The following VOPP1 variants were observed in gnomAD, a reference collection of about 807,000 sequenced individuals.
VOPP1 encodes VOPP1 WW domain binding protein.
A neutral mutation model predicts 23.5 loss-of-function variants in VOPP1; 8 were observed. The ratio of observed to expected loss-of-function variants is 0.34; its 90% confidence interval spans 0.20 to 0.61. The LOEUF (loss-of-function observed/expected upper bound fraction) is 0.61. VOPP1 is among the 20% of genes least tolerant of loss of function. The pLI, the probability that VOPP1 is intolerant of heterozygous loss-of-function variation, is 0.78. For synonymous variants in VOPP1, 83 were observed against 97.3 expected (o/e 0.85, Z 0.86); for missense variants, 174 against 238.1 (o/e 0.73, Z 1.77).
chr7:55,458,872 T>A (rs536708334), intron 4 of VOPP1, among the ~76,000 whole-genome samples: 1 of 152,310 alleles, frequency 6.6e-6, no homozygotes, highest in South Asian at 2.1e-4. Flanking sequence ...TTTTATTTAT[T>A]TCTCTTGCCT....
downstream of VOPP1, among the ~76,000 whole-genome samples, chr7:55,467,171 T>C (rs10229613): frequency 0.33 from 50,335 of 152,124 alleles, 8,909 homozygotes; most frequent in Non-Finnish European, 0.41. Context: ...ACCTGCTGTA[T>C]GACCCAGCTC....
intron 2 of VOPP1, among the ~76,000 whole-genome samples, chr7:55,512,988 G>A (rs1030942359): frequency 6.6e-6 from 1 of 152,256 alleles, no homozygotes; most frequent in Non-Finnish European, 1.5e-5. Context: ...CCTGTGAACA[G>A]CACTTCATCC....
At chr7:55,528,896 GAC>G (rs1204107843) in intron 1 of VOPP1, among the ~76,000 whole-genome samples, 2 of 152,098 alleles carry the variant, frequency 1.3e-5, no homozygotes, top group Non-Finnish European at 1.5e-5. Flanking sequence ...GTTAATTTAA[GAC>G]ACATTATATA....
chr7:55,564,106 ATAGGAACCTG>A (rs1305341557), intron 1 of VOPP1, among the ~76,000 whole-genome samples: 1 of 152,180 alleles, frequency 6.6e-6, no homozygotes, highest in East Asian at 1.9e-4. Flanking sequence ...CCCTTAGGCT[ATAGGAACCTG>A]GCTTCACAGC....
downstream of VOPP1, among the ~76,000 whole-genome samples, chr7:55,469,131 G>A (rs1395154899): frequency 1.3e-5 from 2 of 152,140 alleles, no homozygotes; most frequent in Non-Finnish European, 2.9e-5. Flanking sequence ...AGGACAAAAT[G>A]CCTAGAAGTG....
intron 4 of VOPP1, among the ~76,000 whole-genome samples, chr7:55,450,442 C>T (rs1287126572): frequency 6.6e-6 from 1 of 152,130 alleles, no homozygotes; most frequent in Admixed American, 6.5e-5. Context: ...TCTTATAGCC[C>T]TTGAAATGTG....
intron 4 of VOPP1, among the ~76,000 whole-genome samples, chr7:55,443,709 A>G (rs1190597906): frequency 6.7e-6 from 1 of 149,986 alleles, no homozygotes; most frequent in Non-Finnish European, 1.5e-5. Context: ...CAATGACACA[A>G]TCTCGGCTCA....
At chr7:55,571,961 G>A (rs1798376087) in intron 1 of VOPP1, 2 of 285,622 alleles carry the variant, frequency 7.0e-6, no homozygotes, top group Non-Finnish European at 1.3e-5. Flanking sequence ...GGGGAGAGGG[G>A]GCGGACGGTG....
At chr7:55,518,859 A>G (rs1192210218) in intron 2 of VOPP1, among the ~76,000 whole-genome samples, 1 of 152,210 alleles carries the variant, frequency 6.6e-6, no homozygotes, top group African/African-American at 2.4e-5. Context: ...ATTTACAAAG[A>G]CGTGAGAACT....
chr7:55,516,069 G>A (rs1020193014), intron 2 of VOPP1: 19 of 971,334 alleles, frequency 2.0e-5, no homozygotes, highest in Non-Finnish European at 2.4e-6. Flanking sequence ...CCAAGGGGCG[G>A]GAGCTGCTGA....
intron 4 of VOPP1, among the ~76,000 whole-genome samples, chr7:55,476,822 T>A (rs1388424807): frequency 6.6e-6 from 1 of 151,924 alleles, no homozygotes; most frequent in Non-Finnish European, 1.5e-5. Flanking sequence ...GGCCCTACAT[T>A]CCTCCCCACC....
intron 1 of VOPP1, among the ~76,000 whole-genome samples, chr7:55,524,924 G>C (rs1584027307): frequency 6.6e-6 from 1 of 152,280 alleles, no homozygotes; most frequent in Non-Finnish European, 1.5e-5. Context: ...CTAGAGCTGT[G>C]GTCAAAGGGG....
intron 4 of VOPP1, among the ~76,000 whole-genome samples, chr7:55,484,432 A>C (rs1792976237): frequency 6.6e-6 from 1 of 151,788 alleles, no homozygotes; most frequent in Non-Finnish European, 1.5e-5. Flanking sequence ...TCTCCAACCT[A>C]CAGTCGCTGG....
intron 4 of VOPP1, among the ~76,000 whole-genome samples, chr7:55,478,734 T>C (rs554559312): frequency 1.3e-5 from 2 of 152,230 alleles, no homozygotes; most frequent in Non-Finnish European, 2.9e-5. Context: ...CTAAGTGCAT[T>C]TTCCTCACAG....
chr7:55,552,758 C>G (rs1797663725), intron 1 of VOPP1: 1 of 1,531,896 alleles, frequency 6.5e-7, no homozygotes, highest in Non-Finnish European at 8.7e-7. Context: ...GGAGTTCACG[C>G]AGAGAGGCAG....
intron 1 of VOPP1, among the ~76,000 whole-genome samples, chr7:55,560,226 T>G (rs1797941269): frequency 2.6e-5 from 4 of 152,186 alleles, no homozygotes; most frequent in African/African-American, 9.7e-5. Context: ...GCAACATTTT[T>G]TTTCAACCTT....
chr7:55,441,651 A>G lies in VOPP1; in HGVS notation n.418-5477T>C, dbSNP rs184851042. On this transcript the variant is annotated intron_variant and non_coding_transcript_variant, in intron 4 of 4. Coordinates refer to the VOPP1 transcript ENST00000462326. ...GACATCAGACAGTTTTCTAGGAAAA[A>G]AAGTTAATCATGGAACTGCTTGCTT... is the stretch of plus-strand genomic sequence containing the variant. Among the ~76,000 whole-genome samples the G allele has an allele frequency of 2.0e-5, 3 of 152,358 alleles. No homozygotes were observed. The East Asian group carries it at 5.8e-4, about 29-fold the overall frequency.
chr7:55,509,056 A>G (rs778027459), intron 2 of VOPP1, among the ~76,000 whole-genome samples: 1 of 152,144 alleles, frequency 6.6e-6, no homozygotes, highest in Admixed American at 6.5e-5. Flanking sequence ...TTTATTATCA[A>G]TTTTAATTTT....
At chr7:55,491,419 G>C (rs1027936163) in intron 4 of VOPP1, among the ~76,000 whole-genome samples, 2 of 152,212 alleles carry the variant, frequency 1.3e-5, no homozygotes, top group Non-Finnish European at 2.9e-5. Context: ...TCAATAGACA[G>C]TCCCATCCCC....
Sources: allele counts gnomAD v4.1 joint callset (sites outside exome capture counted in the v4.1 genomes callset), GRCh38; gene constraint gnomAD v4.1.1; transcripts MANE v1.5; gene names NCBI Gene and HGNC (gene_info 2026-07-23, HGNC 2026-07-21).